Variants in DENND1A observed in about 807,000 individuals in gnomAD.
The protein encoded by DENND1A is DENN domain-containing protein 1A.
A neutral mutation model predicts 113.7 loss-of-function variants in DENND1A; 51 were observed. The observed-to-expected ratio is 0.45, with a 90% confidence interval of 0.36 to 0.57. The LOEUF is 0.57. DENND1A is among the 20% of genes least tolerant of loss of function. The pLI, the probability that DENND1A is intolerant of heterozygous loss-of-function variation, is 0.00. For missense variants in DENND1A, 1,258 were observed against 1,395.9 expected, an observed-to-expected ratio of 0.90 and a Z score of 1.57; for synonymous variants, 565 against 570.8, an observed-to-expected ratio of 0.99 and a Z score of 0.14.
At chr9:123,893,098 TTA>T (rs768551023) in intron 1 of DENND1A, among the ~76,000 whole-genome samples, 4 of 149,550 alleles carry the variant, frequency 2.7e-5, no homozygotes, top group Non-Finnish European at 2.9e-5. Context: ...ACGTACAGGA[TTA>T]TATGTTTTTA....
chr9:123,561,109 T>C (rs2057727518), intron 12 of DENND1A, among the ~76,000 whole-genome samples: 1 of 152,230 alleles, frequency 6.6e-6, no homozygotes, highest in African/African-American at 2.4e-5. Flanking sequence ...CAAGCCACTG[T>C]CGCTCTCCTT....
At chr9:123,577,634 T>C (rs975465897) in intron 12 of DENND1A, among the ~76,000 whole-genome samples, 8 of 152,102 alleles carry the variant, frequency 5.3e-5, no homozygotes, top group African/African-American at 1.7e-4. Context: ...AGGTTAGATT[T>C]CTTGCACATC....
At chr9:123,383,489 C>T (rs140139427) in intron 23 of DENND1A, among the ~76,000 whole-genome samples, 166 bp downstream of exon 23, 12 of 152,292 alleles carry the variant, frequency 7.9e-5, no homozygotes, top group African/African-American at 1.7e-4. Flanking sequence ...GTGTGGGCCC[C>T]GGCACCCTGG....
intron 13 of DENND1A, among the ~76,000 whole-genome samples, chr9:123,556,967 G>A (rs2057452906): frequency 6.6e-6 from 1 of 152,206 alleles, no homozygotes; most frequent in Non-Finnish European, 1.5e-5. Flanking sequence ...AAGTCAACGA[G>A]GCCCAGAAAG....
At chr9:123,426,464 C>G (rs572882025) in intron 19 of DENND1A, among the ~76,000 whole-genome samples, 21 of 152,296 alleles carry the variant, frequency 1.4e-4, no homozygotes, top group Non-Finnish European at 2.9e-4. Context: ...AAACAGAAAC[C>G]TGGAGCTCCC....
intron 13 of DENND1A, among the ~76,000 whole-genome samples, chr9:123,521,326 G>A (rs143122978): frequency 2.6e-5 from 4 of 152,288 alleles, no homozygotes; most frequent in Non-Finnish European, 4.4e-5. Context: ...AAATAAGCCC[G>A]TGGGAGGCAG....
At chr9:123,809,427 G>GT (rs1448725186) in intron 2 of DENND1A, among the ~76,000 whole-genome samples, 18 of 152,072 alleles carry the variant, frequency 1.2e-4, no homozygotes, top group Admixed American at 1.1e-3. Context: ...TGTTTACTGA[G>GT]TTTTTTTGAC....
chr9:123,714,934 C>A (rs1381686235), intron 5 of DENND1A, among the ~76,000 whole-genome samples: 2 of 152,138 alleles, frequency 1.3e-5, no homozygotes, highest in East Asian at 1.9e-4. Context: ...GTAATCCCAG[C>A]ACTTTGGGAG....
At chr9:123,387,987 G>A in intron 21 of DENND1A, 129 bp from the exon 22 acceptor site, 1 of 955,516 alleles carries the variant, frequency 1.0e-6, no homozygotes, top group Non-Finnish European at 1.4e-6. Context: ...GCCTGGGGTG[G>A]GGGCTCTCAG....
intron 13 of DENND1A, among the ~76,000 whole-genome samples, chr9:123,469,636 G>A (rs142664212): frequency 2.0e-5 from 3 of 152,340 alleles, no homozygotes; most frequent in East Asian, 1.9e-4. Context: ...GCATACTAGC[G>A]TAAGATTTTC....
chr9:123,886,177 TTTTTG>T (rs556111804), intron 1 of DENND1A, among the ~76,000 whole-genome samples: 120 of 151,928 alleles, frequency 7.9e-4, no homozygotes, highest in African/African-American at 2.8e-3. Context: ...TTAATGGCGT[TTTTTG>T]TTTTGTTTTT....
chr9:123,571,077 AT>A (rs368824177), intron 12 of DENND1A, among the ~76,000 whole-genome samples: 2,879 of 146,448 alleles, frequency 0.02, 39 homozygotes, highest in Middle Eastern at 0.04. Flanking sequence ...TGCCAACCTC[AT>A]TTTTTTTTTT....
At chr9:123,857,152 T>C (rs1844339775) in intron 2 of DENND1A, among the ~76,000 whole-genome samples, 2 of 150,806 alleles carry the variant, frequency 1.3e-5, no homozygotes, top group South Asian at 4.2e-4. Flanking sequence ...AAAAGGAACC[T>C]TGGGAAAATG....
intron 13 of DENND1A, among the ~76,000 whole-genome samples, chr9:123,536,515 G>A (rs1334556645): frequency 6.6e-6 from 1 of 151,376 alleles, no homozygotes; most frequent in Non-Finnish European, 1.5e-5. Context: ...CTTGCAGAAA[G>A]CTCAGTGAGT....
At chr9:123,531,697 A>G (rs571652318) in intron 13 of DENND1A, among the ~76,000 whole-genome samples, 1 of 152,190 alleles carries the variant, frequency 6.6e-6, no homozygotes, top group African/African-American at 2.4e-5. Context: ...TCAAATACTT[A>G]AGCATTCCTA....
intron 11 of DENND1A, among the ~76,000 whole-genome samples, chr9:123,591,043 A>T (rs952584153): frequency 1.3e-5 from 2 of 152,186 alleles, no homozygotes; most frequent in Non-Finnish European, 2.9e-5. Context: ...CCCTCTTAGG[A>T]TAAATATAAA....
intron 19 of DENND1A, among the ~76,000 whole-genome samples, chr9:123,424,021 G>C (rs1158823412): frequency 1.1e-4 from 16 of 152,158 alleles, no homozygotes. Context: ...CACACCCTAG[G>C]CTGGGGAGAG....
intron 13 of DENND1A, among the ~76,000 whole-genome samples, chr9:123,523,349 G>A (rs577957353): frequency 3.3e-4 from 51 of 152,280 alleles, no homozygotes; most frequent in African/African-American, 9.4e-4. Flanking sequence ...AGAACCGTGC[G>A]AGGCGGTAAC....
intron 2 of DENND1A, among the ~76,000 whole-genome samples, chr9:123,832,731 G>T (rs1840424412): frequency 6.6e-6 from 1 of 152,120 alleles, no homozygotes; most frequent in Non-Finnish European, 1.5e-5. Context: ...AAATACAATT[G>T]TTGAGCAAAA....
Sources: gnomAD v4.1 joint callset for allele counts (sites outside exome capture counted in the v4.1 genomes callset) on GRCh38, gnomAD v4.1.1 for gene constraint, MANE v1.5 for transcripts, NCBI Gene and HGNC (gene_info 2026-07-23, HGNC 2026-07-21) for gene names.